The following NFASC variants were observed in gnomAD, a reference collection of about 807,000 sequenced individuals.
The protein encoded by NFASC is neurofascin.
In NFASC, 43 loss-of-function variants were observed where a neutral mutation model predicts 147.5. The observed-to-expected ratio is 0.29, with a 90% confidence interval of 0.23 to 0.38. The LOEUF is 0.38. Ranked by LOEUF, NFASC falls within the 10% of genes least tolerant of loss-of-function variation. The probability of loss-of-function intolerance (pLI) is 1.00; values close to 1 mark genes in which losing one functional copy is unlikely to be tolerated. For synonymous variants in NFASC, 622 were observed against 665.5 expected (o/e 0.93, Z 1.01); for missense variants, 1,320 against 1,689.0 (o/e 0.78, Z 3.83).
chr1:204,885,728 C>T (rs527891518), intron 1 of NFASC, among the ~76,000 whole-genome samples: 1 of 152,306 alleles, frequency 6.6e-6, no homozygotes, highest in South Asian at 2.1e-4. Context: ...TTTAGGAAAG[C>T]TAAGTTCTGG....
At chr1:204,967,979 A>C in intron 8 of NFASC, 9 of 342,034 alleles carry the variant, frequency 2.6e-5, no homozygotes, top group South Asian at 3.4e-5. Flanking sequence ...GTTCCAGGGA[A>C]GGGGAGATTC....
intron 1 of NFASC, among the ~76,000 whole-genome samples, chr1:204,893,188 A>G (rs140573617): frequency 7.0e-4 from 107 of 152,308 alleles, no homozygotes; most frequent in Non-Finnish European, 1.1e-3. Context: ...GGTGTTATTC[A>G]CTGATAATGT....
At chr1:204,930,410 G>A (rs1447397754) in intron 2 of NFASC, among the ~76,000 whole-genome samples, 1 of 152,170 alleles carries the variant, frequency 6.6e-6, no homozygotes, top group Non-Finnish European at 1.5e-5. Flanking sequence ...TCTATCCCGT[G>A]TTATAGCAAC....
chr1:204,872,820 C>T (rs2077976598), intron 1 of NFASC, among the ~76,000 whole-genome samples: 1 of 152,202 alleles, frequency 6.6e-6, no homozygotes, highest in African/African-American at 2.4e-5. Context: ...CACTGAGAGC[C>T]TTCTCCATGG....
At chr1:204,891,769 T>C (rs2082441315) in intron 1 of NFASC, among the ~76,000 whole-genome samples, 1 of 152,150 alleles carries the variant, frequency 6.6e-6, no homozygotes, top group African/African-American at 2.4e-5. Context: ...TGTTTTCCTA[T>C]GGGGGACTCC....
chr1:204,886,547 T>G lies in NFASC; in HGVS notation c.-199-34085T>G, dbSNP rs140979268. Among the ~76,000 whole-genome samples the G allele has an allele frequency of 7.4e-4, 113 of 152,296 alleles. 1 individual carries two copies. Among genetic ancestry groups the G allele is most frequent in the South Asian group, 4.1e-3 (20 of 4,820 alleles). On this transcript the variant is annotated intron_variant, in intron 1 of 29. Coordinates refer to ENST00000339876, the MANE Select transcript of NFASC (RefSeq NM_001005388.3). ...CAAACCTAGACTGCTGGGCCCACACTCAGAGTTCCTGATTCGGGAAGTCTG... is the reference window on the plus strand; with the variant it reads ...CAAACCTAGACTGCTGGGCCCACACGCAGAGTTCCTGATTCGGGAAGTCTG...
chr1:204,969,050 T>C lies in NFASC; in HGVS notation c.1003+68T>C, dbSNP rs1001984443. The C allele has an allele frequency of 7.7e-6, 11 of 1,424,654 alleles. No homozygotes were observed. The East Asian group carries it at 2.6e-4, about 33-fold the overall frequency. 88.3% of individuals were successfully genotyped at this position (1,424,654 alleles called of 1,614,324 possible). A position where few individuals can be genotyped will look rare whatever the true frequency, so the allele number is the denominator to read the frequency against. ...TGAACACCATGCCCACCCTTCCCTCTGAGGGTGGTTGGGGGCAGAGTGAGT... is the reference window on the plus strand; with the variant it reads ...TGAACACCATGCCCACCCTTCCCTCCGAGGGTGGTTGGGGGCAGAGTGAGT... On this transcript the variant is annotated intron_variant, in intron 10 of 29. Transcript: ENST00000339876.
At chr1:204,971,432 A>T (rs57067264) in intron 11 of NFASC, among the ~76,000 whole-genome samples, 8,899 of 152,188 alleles carry the variant, frequency 0.058, 714 homozygotes, top group African/African-American at 0.18. Context: ...TTTCTCTAAG[A>T]GGTCAGAGGA....
intron 7 of NFASC, among the ~76,000 whole-genome samples, chr1:204,957,144 G>A (rs1420892221): frequency 6.6e-6 from 1 of 152,194 alleles, no homozygotes; most frequent in Non-Finnish European, 1.5e-5. Context: ...TTTGTTAAAT[G>A]CAGCAAAGCC....
At chr1:204,894,807 A>T (rs959045356) in intron 1 of NFASC, among the ~76,000 whole-genome samples, 4 of 152,084 alleles carry the variant, frequency 2.6e-5, no homozygotes, top group African/African-American at 9.7e-5. Flanking sequence ...TCATTATGCC[A>T]TTCTCAGGAG....
chr1:204,892,154 C>A (rs2082535145), intron 1 of NFASC, among the ~76,000 whole-genome samples: 1 of 152,210 alleles, frequency 6.6e-6, no homozygotes, highest in African/African-American at 2.4e-5. Flanking sequence ...AAAGTGAGTT[C>A]TCTGATGCTG....
chr1:204,920,609 T>C, intron 1 of NFASC, 23 bp from the exon 2 acceptor site: 1 of 1,197,944 alleles, frequency 8.3e-7, no homozygotes, highest in Non-Finnish European at 1.1e-6. Context: ...CCTGGGGTTC[T>C]CCTTTGTGCT....
rs762913392 is a variant in NFASC at position 205,000,922 on chromosome 1, G to A, written c.3020-248G>A. ...CCAGCTCTCCCTCCGAAGTCCTCCC[G>A]ACTGTACCTGCTTGTCCCTGGACAG... On this transcript the variant is annotated intron_variant, in intron 25 of 29. Coordinates refer to ENST00000339876, the MANE Select transcript of NFASC (RefSeq NM_001005388.3). 34 of 542,372 alleles carry A rather than the reference G, an allele frequency of 6.3e-5. No homozygotes were observed. In the Middle Eastern group the frequency reaches 2.0e-3, roughly 32 times the overall value. 33.6% of individuals were successfully genotyped at this position (542,372 alleles called of 1,614,324 possible).
At chr1:204,900,916 G>A (rs1177940890) in intron 1 of NFASC, among the ~76,000 whole-genome samples, 3 of 152,110 alleles carry the variant, frequency 2.0e-5, no homozygotes, top group African/African-American at 4.8e-5. Flanking sequence ...GCCTCTAGCG[G>A]TCCTCTCCTC....
chr1:204,978,996 GC>G lies in NFASC; in HGVS notation c.1906del (p.Leu636Ter). The G allele has an allele frequency of 6.4e-7, 1 of 1,561,438 alleles. No individual in the cohort carries two copies. The highest frequency in any genetic ancestry group is 1.9e-5 in the Admixed American group (1 of 53,444). ...GRPDRPRDLE[L>X]TDLAERSVRL... is the part of the protein sequence containing the mutation. Reference sequence around the variant, plus strand: ...GGCCAGACCGGCCCCGGGACCTGGAGCTGACCGACCTGGCCGAGAGGAGCGT... The same window carrying G: ...GGCCAGACCGGCCCCGGGACCTGGAGTGACCGACCTGGCCGAGAGGAGCGT... On this transcript the variant is annotated frameshift_variant, in exon 18 of 30. Transcript: ENST00000339876. LOFTEE classifies it high-confidence loss of function.
chr1:204,844,037 C>T (rs1170525123), intron 1 of NFASC, among the ~76,000 whole-genome samples: 3 of 152,118 alleles, frequency 2.0e-5, no homozygotes, highest in Non-Finnish European at 4.4e-5. Flanking sequence ...TGTGCCTGGC[C>T]CCAGGTTTGT....
chr1:204,986,496 C>T lies in NFASC; in HGVS notation c.2471-922C>T, dbSNP rs562221316. Among the ~76,000 whole-genome samples, 1 of 152,232 alleles carries T rather than the reference C, an allele frequency of 6.6e-6. No individual in the cohort carries two copies. The highest frequency in any genetic ancestry group is 6.5e-5 in the Admixed American group (1 of 15,292). ...TGTTTGCCAGCACCCAACACCTTCA[C>T]GGTTCTCCCCCCACGTTCTCAAGAA... On this transcript the variant is annotated intron_variant, in intron 21 of 29. Transcript: ENST00000339876. This position sits in a 1 kb window ranked among gnomAD's most constrained non-coding sequence, Gnocchi z 4.2.
At chr1:204,977,829 G>A in intron 17 of NFASC, 104 bp downstream of exon 17, 2 of 1,061,000 alleles carry the variant, frequency 1.9e-6, no homozygotes, top group South Asian at 3.1e-5. Context: ...ACAGTGTGTA[G>A]GTTTGTGGGC....
In NFASC at chr1:204,889,947, G is replaced by A. The variant is rs16854628; in HGVS notation, c.-199-30685G>A. On this transcript the variant is annotated intron_variant, in intron 1 of 29. Transcript: ENST00000339876. ...AGAGGGTAATTCCCCTCCGGCAGCC[G>A]ACTTCTCTTTCCTGCTGTTCTGTGT... is the stretch of plus-strand genomic sequence containing the variant. Among the ~76,000 whole-genome samples the A allele has an allele frequency of 4.9e-3, 743 of 152,296 alleles. 5 individuals are homozygous for A. The highest frequency in any genetic ancestry group is 0.017 in the African/African-American group (695 of 41,554).
Sources: allele counts gnomAD v4.1 joint callset (sites outside exome capture counted in the v4.1 genomes callset), GRCh38; gene constraint gnomAD v4.1.1; non-coding constraint Gnocchi (gnomAD v3.1); transcripts MANE v1.5; gene names NCBI Gene and HGNC (gene_info 2026-07-23, HGNC 2026-07-21).